Variants in ROBO2 observed in about 807,000 individuals in gnomAD.
The protein encoded by ROBO2 is roundabout homolog 2.
ROBO2 carries 53 observed loss-of-function variants against 160.8 expected under a neutral mutation model. That is an observed-to-expected ratio of 0.33 (90% CI 0.26 to 0.41). The LOEUF (loss-of-function observed/expected upper bound fraction) is 0.41, where lower values mean the gene tolerates loss of function less well. ROBO2 is among the 10% of genes least tolerant of loss of function. The pLI is 1.00. For missense variants in ROBO2, 1,577 were observed against 1,722.4 expected (o/e 0.92, Z 1.49); for synonymous variants, 664 against 611.7 (o/e 1.09, Z -1.26).
chr3:76,648,374 T>C (rs569045568), intron 2 of ROBO2, among the ~76,000 whole-genome samples: 1 of 152,164 alleles, frequency 6.6e-6, no homozygotes, highest in East Asian at 1.9e-4. Flanking sequence ...AAATGACACA[T>C]AGAAAATTAT....
chr3:77,347,685 A>G (rs2067821093), intron 2 of ROBO2, among the ~76,000 whole-genome samples: 1 of 152,096 alleles, frequency 6.6e-6, no homozygotes, highest in Non-Finnish European at 1.5e-5. Context: ...ATTGATCTAA[A>G]TAGACCCCAA....
At chr3:77,464,323 A>T (rs1398871394) in intron 2 of ROBO2, among the ~76,000 whole-genome samples, 1 of 152,184 alleles carries the variant, frequency 6.6e-6, no homozygotes, top group African/African-American at 2.4e-5. Flanking sequence ...GTTAAATGGG[A>T]GTTCCAAGTC....
At chr3:76,373,279 C>A (rs1234969751) in intron 2 of ROBO2, among the ~76,000 whole-genome samples, 1 of 151,826 alleles carries the variant, frequency 6.6e-6, no homozygotes, top group Non-Finnish European at 1.5e-5. Context: ...CTTTTTCTAA[C>A]CAGGAAGAGT....
intron 2 of ROBO2, among the ~76,000 whole-genome samples, chr3:76,603,351 A>AAAAATAT (rs1553826368): frequency 7.6e-5 from 2 of 26,406 alleles, no homozygotes; most frequent in Non-Finnish European, 1.2e-4. Flanking sequence ...AAAAAAAAAA[A>AAAAATAT]ATATATATAT....
chr3:77,395,167 A>G (rs747978771), intron 2 of ROBO2, among the ~76,000 whole-genome samples: 3 of 152,154 alleles, frequency 2.0e-5, no homozygotes, highest in East Asian at 1.9e-4. Context: ...CTAATTTCCT[A>G]TTATGATAGA....
intron 2 of ROBO2, among the ~76,000 whole-genome samples, chr3:76,166,500 T>C (rs1416503395): frequency 6.6e-6 from 1 of 152,154 alleles, no homozygotes; most frequent in Non-Finnish European, 1.5e-5. Context: ...AGCCGTTTTC[T>C]ATTTTCTTTC....
At chr3:76,104,705 C>A (rs28662945) in intron 2 of ROBO2, among the ~76,000 whole-genome samples, 26,560 of 152,046 alleles carry the variant, frequency 0.17, 2,757 homozygotes, top group African/African-American at 0.29. Context: ...TTATGAGAGA[C>A]ATCTCTTTAA....
chr3:77,202,918 G>A (rs998943107), intron 2 of ROBO2, among the ~76,000 whole-genome samples: 1 of 152,220 alleles, frequency 6.6e-6, no homozygotes, highest in African/African-American at 2.4e-5. Flanking sequence ...TAGCAGAGCT[G>A]TGGTTCCGAA....
chr3:76,066,881 T>A (rs1454487197), intron 2 of ROBO2, among the ~76,000 whole-genome samples: 2 of 152,158 alleles, frequency 1.3e-5, no homozygotes, highest in Admixed American at 1.3e-4. Flanking sequence ...TAGTTTAGAT[T>A]GCATCAGAAT....
intron 6 of ROBO2, 83 bp from the exon 7 acceptor site, chr3:77,527,320 A>G (rs2153631726): frequency 9.8e-7 from 1 of 1,024,422 alleles, no homozygotes; most frequent in African/African-American, 1.7e-5. Flanking sequence ...ATGTAACATT[A>G]CACATCATGC....
intron 6 of ROBO2, among the ~76,000 whole-genome samples, chr3:77,527,019 C>A (rs563780812): frequency 1.3e-5 from 2 of 151,542 alleles, no homozygotes; most frequent in African/African-American, 4.8e-5. Context: ...ACAGCGAGGC[C>A]TTCTTTTATT....
At chr3:76,930,384 A>G (rs1209543076) in intron 2 of ROBO2, among the ~76,000 whole-genome samples, 2 of 152,176 alleles carry the variant, frequency 1.3e-5, no homozygotes, top group African/African-American at 4.8e-5. Context: ...CTCAAATGTC[A>G]TGGGTGAAGT....
At chr3:75,931,794 A>G (rs150041814) in intron 1 of ROBO2, among the ~76,000 whole-genome samples, 37 of 152,154 alleles carry the variant, frequency 2.4e-4, no homozygotes, top group African/African-American at 7.9e-4. Flanking sequence ...TACATTTTGT[A>G]ATAATCTCTT....
chr3:76,254,930 G>T (rs949201734), intron 2 of ROBO2, among the ~76,000 whole-genome samples: 3 of 152,050 alleles, frequency 2.0e-5, no homozygotes. Context: ...AACTATGCCT[G>T]TGAATCTATA....
At chr3:77,588,155 T>C (rs971542547) in intron 16 of ROBO2, among the ~76,000 whole-genome samples, 3 of 152,084 alleles carry the variant, frequency 2.0e-5, no homozygotes, top group Non-Finnish European at 4.4e-5. Flanking sequence ...ATCTTTTTCA[T>C]ATTTTAATTA....
intron 2 of ROBO2, among the ~76,000 whole-genome samples, chr3:76,328,737 T>C (rs2073227032): frequency 1.3e-5 from 2 of 151,768 alleles, no homozygotes; most frequent in African/African-American, 4.8e-5. Flanking sequence ...GCGGCGCCTG[T>C]AGTCTCAGCT....
intron 2 of ROBO2, among the ~76,000 whole-genome samples, chr3:76,595,615 T>G (rs187930059): frequency 2.9e-3 from 440 of 152,170 alleles, no homozygotes; most frequent in African/African-American, 0.01. Context: ...ACAGATTATA[T>G]ATGAGTGATA....
intron 2 of ROBO2, among the ~76,000 whole-genome samples, chr3:76,339,347 G>C (rs1347231388): frequency 6.6e-6 from 1 of 152,064 alleles, no homozygotes; most frequent in Non-Finnish European, 1.5e-5. Context: ...CCCACAAAAT[G>C]CATTCAGATT....
intron 2 of ROBO2, among the ~76,000 whole-genome samples, chr3:76,968,793 T>C (rs1039594012): frequency 1.6e-4 from 25 of 152,210 alleles, no homozygotes; most frequent in Non-Finnish European, 4.4e-5. Context: ...TTCAGCTAAA[T>C]ATGTGACATT....
Sources: gnomAD v4.1 joint callset for allele counts (sites outside exome capture counted in the v4.1 genomes callset) on GRCh38, gnomAD v4.1.1 for gene constraint, MANE v1.5 for transcripts, NCBI Gene and HGNC (gene_info 2026-07-23, HGNC 2026-07-21) for gene names.